The following PRIM2 variants were observed in gnomAD, a reference collection of about 807,000 sequenced individuals.
PRIM2 encodes the protein DNA primase large subunit.
Under a neutral mutation model 67.3 loss-of-function variants are expected in PRIM2, and 39 were observed. The ratio of observed to expected loss-of-function variants is 0.58; its 90% confidence interval spans 0.45 to 0.76. The LOEUF (loss-of-function observed/expected upper bound fraction) is 0.76. Ranked by LOEUF, PRIM2 falls within the 30% of genes least tolerant of loss-of-function variation. The pLI is 0.00. For missense variants in PRIM2, 398 were observed against 598.7 expected, an observed-to-expected ratio of 0.66 and a Z score of 3.50; for synonymous variants, 143 against 198.7, an observed-to-expected ratio of 0.72 and a Z score of 2.36.
chr6:57,453,291 A>G (rs1772626289), intron 7 of PRIM2, among the ~76,000 whole-genome samples: 1 of 152,152 alleles, frequency 6.6e-6, no homozygotes, highest in Non-Finnish European at 1.5e-5. Flanking sequence ...TTCCATATGA[A>G]CTTTAAGGTA....
intron 5 of PRIM2, among the ~76,000 whole-genome samples, chr6:57,334,520 C>T (rs1194990714): frequency 1.3e-5 from 2 of 151,990 alleles, no homozygotes; most frequent in Non-Finnish European, 1.5e-5. Context: ...TAAAAAATAG[C>T]TGGGTGTAGT....
chr6:57,229,216 A>G, the PRIM2 span, among the ~76,000 whole-genome samples: 1 of 152,156 alleles, frequency 6.6e-6, no homozygotes, highest in African/African-American at 2.4e-5. Context: ...ACTCCTATTA[A>G]GAGAGGCTGA....
chr6:57,513,653 G>A (rs1774416434), intron 8 of PRIM2, among the ~76,000 whole-genome samples: 2 of 152,280 alleles, frequency 1.3e-5, no homozygotes, highest in Admixed American at 1.3e-4. Context: ...CAGCACTTTG[G>A]GAGGCTGAGG....
intron 10 of PRIM2, among the ~76,000 whole-genome samples, chr6:57,549,449 C>T (rs1243794928): frequency 6.6e-6 from 1 of 152,022 alleles, no homozygotes; most frequent in Non-Finnish European, 1.5e-5. Context: ...TAGGTTGACA[C>T]TGATAATGAT....
intron 13 of PRIM2, among the ~76,000 whole-genome samples, chr6:57,634,044 G>A (rs1392509543): frequency 6.6e-6 from 1 of 152,216 alleles, no homozygotes; most frequent in Non-Finnish European, 1.5e-5. Flanking sequence ...ATAAAACTTA[G>A]AGAAGTTAAA....
chr6:57,484,982 C>T (rs1408971438), intron 7 of PRIM2, among the ~76,000 whole-genome samples: 1 of 152,098 alleles, frequency 6.6e-6, no homozygotes, highest in African/African-American at 2.4e-5. Flanking sequence ...TAGTGACTGT[C>T]AGGGAGTAAT....
At chr6:57,340,299 G>A (rs1316378349) in intron 5 of PRIM2, among the ~76,000 whole-genome samples, 4 of 152,150 alleles carry the variant, frequency 2.6e-5, no homozygotes, top group Admixed American at 6.5e-5. Context: ...TCAGTGTGGC[G>A]ATTCCTCAGG....
At chr6:57,556,946 A>G (rs1381305292) in intron 10 of PRIM2, among the ~76,000 whole-genome samples, 4 of 143,618 alleles carry the variant, frequency 2.8e-5, no homozygotes, top group Non-Finnish European at 4.5e-5. Flanking sequence ...AAAAAAGTCC[A>G]TTAAAAAGTA....
chr6:57,447,224 CAT>C (rs1772396904), intron 7 of PRIM2, among the ~76,000 whole-genome samples: 3 of 152,196 alleles, frequency 2.0e-5, no homozygotes, highest in Admixed American at 1.3e-4. Context: ...TGGAGACTGA[CAT>C]ATGATATTTT....
At chr6:57,242,097 G>T in the PRIM2 span, among the ~76,000 whole-genome samples, 1 of 152,090 alleles carries the variant, frequency 6.6e-6, no homozygotes. Flanking sequence ...ACAATAATAA[G>T]TTGTTTCTTC....
chr6:57,291,871 C>A, the PRIM2 span, among the ~76,000 whole-genome samples: 4 of 152,228 alleles, frequency 2.6e-5, no homozygotes, highest in South Asian at 8.3e-4. Context: ...CTATTTATGA[C>A]AAAACCATAG....
chr6:57,334,454 G>T (rs1768156648), intron 5 of PRIM2, among the ~76,000 whole-genome samples: 1 of 151,988 alleles, frequency 6.6e-6, no homozygotes, highest in South Asian at 2.1e-4. Context: ...ACATATGGTG[G>T]TTCTATTTTT....
the PRIM2 span, among the ~76,000 whole-genome samples, chr6:57,231,458 G>A: frequency 1.3e-5 from 2 of 152,072 alleles, no homozygotes; most frequent in Non-Finnish European, 2.9e-5. Context: ...GACAGATAAA[G>A]GGCTAAATTT....
the PRIM2 span, among the ~76,000 whole-genome samples, chr6:57,271,760 C>A: frequency 1.3e-5 from 2 of 152,150 alleles, no homozygotes; most frequent in Admixed American, 6.5e-5. Context: ...CTCTTGTGGG[C>A]ATTTAGTGCT....
At chr6:57,358,673 G>T (rs888724631) in intron 5 of PRIM2, among the ~76,000 whole-genome samples, 1 of 152,124 alleles carries the variant, frequency 6.6e-6, no homozygotes, top group Non-Finnish European at 1.5e-5. Context: ...ATAATTTATG[G>T]TCTTTAAGAA....
chr6:57,262,333 C>A, the PRIM2 span, among the ~76,000 whole-genome samples: 1 of 152,064 alleles, frequency 6.6e-6, no homozygotes, highest in Non-Finnish European at 1.5e-5. Context: ...TTTTTTTTTA[C>A]ATACCGATTA....
chr6:57,396,105 G>A lies in PRIM2; in HGVS notation c.693+13937G>A, dbSNP rs1770506243. Among the ~76,000 whole-genome samples the A allele has an allele frequency of 6.6e-5, 10 of 152,142 alleles. 1 individual carries two copies. The South Asian group carries it at 2.1e-3, about 32-fold the overall frequency. ...GTCTATCTTGGAGAAGGTTCTATGT[G>A]CTATTGAATAGAATGTGTATTCTGA... is the stretch of plus-strand genomic sequence containing the variant. On this transcript the variant is annotated intron_variant, in intron 7 of 13. Coordinates refer to ENST00000615550, the MANE Select transcript of PRIM2 (RefSeq NM_000947.5).
At chr6:57,427,246 G>A (rs1771662771) in intron 7 of PRIM2, among the ~76,000 whole-genome samples, 1 of 152,142 alleles carries the variant, frequency 6.6e-6, no homozygotes, top group African/African-American at 2.4e-5. Context: ...TTTTGGGAAT[G>A]GCTTTGTTAA....
At chr6:57,599,715 A>G (rs1437896919) in intron 10 of PRIM2, among the ~76,000 whole-genome samples, 1 of 152,252 alleles carries the variant, frequency 6.6e-6, no homozygotes, top group Non-Finnish European at 1.5e-5. Context: ...TGCATGAAGA[A>G]GAACATGTGA....
Sources: gnomAD v4.1 joint callset for allele counts (sites outside exome capture counted in the v4.1 genomes callset) on GRCh38, gnomAD v4.1.1 for gene constraint, MANE v1.5 for transcripts, NCBI Gene and HGNC (gene_info 2026-07-23, HGNC 2026-07-21) for gene names.